CYP4F22: variants seen among roughly 807,000 people sequenced by gnomAD.
The protein encoded by CYP4F22 is ultra-long-chain fatty acid omega-hydroxylase.
In CYP4F22, 37 loss-of-function variants were observed where a neutral mutation model predicts 60.4. The observed-to-expected ratio is 0.61, with a 90% CI of 0.47 to 0.81. The LOEUF is 0.81. CYP4F22 is among the 30% of genes least tolerant of loss of function. CYP4F22 has a pLI of 0.00. For synonymous variants in CYP4F22, 258 were observed against 280.5 expected, an observed-to-expected ratio of 0.92 and a Z score of 0.80; for missense variants, 655 against 715.0, an observed-to-expected ratio of 0.92 and a Z score of 0.96.
chr19:15,539,855 T>C (rs545667969), intron 7 of CYP4F22, among the ~76,000 whole-genome samples: 1 of 152,218 alleles, frequency 6.6e-6, no homozygotes, highest in Non-Finnish European at 1.5e-5. Context: ...TAGTATCTCA[T>C]TGTGGTTTTG....
intron 10 of CYP4F22, among the ~76,000 whole-genome samples, chr19:15,544,923 C>T (rs1481722890): frequency 2.6e-5 from 4 of 151,868 alleles, no homozygotes; most frequent in African/African-American, 4.8e-5. Context: ...TAGCCAGGTA[C>T]GGTCATGGGT....
intron 3 of CYP4F22, among the ~76,000 whole-genome samples, chr19:15,527,148 C>G (rs1971291992): frequency 1.3e-5 from 2 of 152,134 alleles, no homozygotes; most frequent in African/African-American, 4.8e-5. Context: ...GGTCCATGGT[C>G]CAGCCCCCTC....
intron 1 of CYP4F22, among the ~76,000 whole-genome samples, chr19:15,513,204 C>T (rs1332885574): frequency 6.6e-6 from 1 of 151,926 alleles, no homozygotes; most frequent in Non-Finnish European, 1.5e-5. Flanking sequence ...GAGACGGAAT[C>T]TCGCTTTGTG....
At chr19:15,540,182 C>G (rs1971441255) in intron 7 of CYP4F22, among the ~76,000 whole-genome samples, 1 of 152,108 alleles carries the variant, frequency 6.6e-6, no homozygotes, top group African/African-American at 2.4e-5. Context: ...ACCTGTAACC[C>G]AGCACTTTGG....
chr19:15,514,553 GC>G (rs1971132143), intron 1 of CYP4F22, among the ~76,000 whole-genome samples: 1 of 151,966 alleles, frequency 6.6e-6, no homozygotes, highest in South Asian at 2.1e-4. Flanking sequence ...GGGTGTGGTG[GC>G]CCAGCTACTC....
At chr19:15,529,639 G>C in intron 3 of CYP4F22, 70 bp from the exon 4 acceptor site, 1 of 1,596,506 alleles carries the variant, frequency 6.3e-7, no homozygotes. Context: ...TACAGGAGGT[G>C]GCAGGAGGAA....
chr19:15,541,634 A>G (rs1436365298), intron 8 of CYP4F22, among the ~76,000 whole-genome samples: 1 of 151,360 alleles, frequency 6.6e-6, no homozygotes, highest in Admixed American at 6.6e-5. Context: ...TAATCCCAGC[A>G]CTCTGGGAGG....
chr19:15,532,608 C>T (rs892623477), intron 4 of CYP4F22, among the ~76,000 whole-genome samples: 3 of 151,936 alleles, frequency 2.0e-5, no homozygotes, highest in Non-Finnish European at 4.4e-5. Flanking sequence ...TCTTGAACTC[C>T]TGACCTTAAG....
chr19:15,544,394 T>G (rs77436773), intron 10 of CYP4F22, 115 bp downstream of exon 10: 22,624 of 1,268,640 alleles, frequency 0.018, 239 homozygotes, highest in Non-Finnish European at 0.021. Flanking sequence ...TTTAGCTTCC[T>G]GAATTGCAAT....
chr19:15,538,147 G>C (rs1971421104), intron 7 of CYP4F22, among the ~76,000 whole-genome samples, 154 bp downstream of exon 7: 1 of 152,064 alleles, frequency 6.6e-6, no homozygotes, highest in African/African-American at 2.4e-5. Context: ...CCATCTCTCT[G>C]AGCTTCACTT....
intron 1 of CYP4F22, among the ~76,000 whole-genome samples, chr19:15,523,470 C>T (rs955833730): frequency 6.6e-6 from 1 of 152,124 alleles, no homozygotes; most frequent in Non-Finnish European, 1.5e-5. Flanking sequence ...GAAACCAGCC[C>T]CGTGATCCAA....
intron 1 of CYP4F22, among the ~76,000 whole-genome samples, chr19:15,510,966 A>ATATTTTTTTTT (rs34055543): frequency 8.7e-5 from 9 of 103,304 alleles, no homozygotes; most frequent in African/African-American, 3.7e-4. Flanking sequence ...ATATATATAT[A>ATATTTTTTTTT]TTTTTTTTTT....
Position 15,540,786 on chromosome 19 carries a change from G to C in CYP4F22, c.939+69G>C. ...CCTCCCGAGGAATTGCATGTAAAAT[G>C]ATAAGTGTTAAAACTCCATTAGGCG... On this transcript the variant is annotated intron_variant, in intron 8 of 13. Transcript: ENST00000269703. 4 of 1,588,670 alleles carry C rather than the reference G, an allele frequency of 2.5e-6. No individual in the cohort carries two copies. The South Asian group carries it at 3.3e-5, about 13-fold the overall frequency.
Position 15,548,091 on chromosome 19 carries a change from A to G in CYP4F22, c.1137-17A>G, listed in dbSNP as rs1971553228. 6.2e-7 allele frequency: 1 copy of G among 1,609,316 alleles called. No homozygotes were observed. Among genetic ancestry groups the G allele is most frequent in the South Asian group, 1.1e-5 (1 of 90,986 alleles). On this transcript the variant is annotated splice_polypyrimidine_tract_variant and intron_variant, in intron 10 of 13. Coordinates refer to ENST00000269703, the MANE Select transcript of CYP4F22 (RefSeq NM_173483.4). The stretch of plus-strand genomic sequence containing the variant: ...CCATGGTGGCTCGGCCTCTAGTTAT[A>G]TCTCCATTCTCCCCAGGGACGATCT...
chr19:15,548,328 C>T, intron 11 of CYP4F22, 87 bp downstream of exon 11: 1 of 1,580,798 alleles, frequency 6.3e-7, no homozygotes, highest in Non-Finnish European at 8.6e-7. Flanking sequence ...CTATGCCTGC[C>T]CCAGGTGCAC....
intron 2 of CYP4F22, 134 bp from the exon 3 acceptor site, chr19:15,525,202 G>C: frequency 1.2e-6 from 1 of 824,978 alleles, no homozygotes; most frequent in Non-Finnish European, 2.0e-6. Flanking sequence ...TCATGGCTGG[G>C]GGATGAAGAG....
At chr19:15,529,325 C>T (rs1165748506) in intron 3 of CYP4F22, among the ~76,000 whole-genome samples, 1 of 151,970 alleles carries the variant, frequency 6.6e-6, no homozygotes, top group Non-Finnish European at 1.5e-5. Flanking sequence ...GATGGCCTTT[C>T]ACCATGTTGT....
chr19:15,533,461 T>C (rs187794619), intron 4 of CYP4F22, among the ~76,000 whole-genome samples: 29 of 152,312 alleles, frequency 1.9e-4, no homozygotes, highest in Non-Finnish European at 3.7e-4. Flanking sequence ...TCTGTCTCTA[T>C]GTATTTGCCT....
At position 15,533,591 on chromosome 19, in the gene CYP4F22, C is replaced by CTTTTTTTT. The variant is rs34585637; in HGVS notation, c.367+3753_368-3748dup. Among the ~76,000 whole-genome samples, 12 of 91,454 alleles carry CTTTTTTTT rather than the reference C, an allele frequency of 1.3e-4. 1 individual carries two copies. The highest frequency in any genetic ancestry group is 2.2e-4 in the African/African-American group (5 of 22,240). 60.0% of individuals were successfully genotyped at this position (91,454 alleles called of 152,430 possible). A position where few individuals can be genotyped will look rare whatever the true frequency, so the allele number is the denominator to read the frequency against. ...CGTTGTAGTAGGAATCAGTTTCATT[C>CTTTTTTTT]TTTTTTTTTTTTTTTTTTTTTTGAG... On this transcript the variant is annotated intron_variant, in intron 4 of 13. Coordinates refer to ENST00000269703, the MANE Select transcript of CYP4F22 (RefSeq NM_173483.4).
Sources: allele counts gnomAD v4.1 joint callset (sites outside exome capture counted in the v4.1 genomes callset), GRCh38; gene constraint gnomAD v4.1.1; transcripts MANE v1.5; gene names NCBI Gene and HGNC (gene_info 2026-07-23, HGNC 2026-07-21).